DLG2: variants seen among roughly 807,000 people sequenced by gnomAD.
DLG2 encodes disks large homolog 2.
A neutral mutation model predicts 132.5 loss-of-function variants in DLG2; 45 were observed. The observed-to-expected ratio is 0.34, with a 90% confidence interval of 0.27 to 0.44. DLG2 has a LOEUF of 0.44. DLG2 is among the 20% of genes least tolerant of loss of function. The pLI is 1.00. For missense variants in DLG2, 1,045 were observed against 1,196.9 expected (o/e 0.87, Z 1.87); for synonymous variants, 424 against 419.6 (o/e 1.01, Z -0.13).
chr11:84,366,075 T>C (rs2098680524), intron 7 of DLG2, among the ~76,000 whole-genome samples: 2 of 152,020 alleles, frequency 1.3e-5, no homozygotes, highest in Admixed American at 1.3e-4. Context: ...AAGGTTGGGT[T>C]ATCCACAAGG....
chr11:85,175,787 G>T (rs538912692), intron 4 of DLG2, among the ~76,000 whole-genome samples: 1 of 152,070 alleles, frequency 6.6e-6, no homozygotes, highest in South Asian at 2.1e-4. Flanking sequence ...AAATCAATAC[G>T]CAAAAATCAC....
intron 11 of DLG2, among the ~76,000 whole-genome samples, chr11:84,045,136 T>A (rs1170228618): frequency 6.6e-6 from 1 of 151,828 alleles, no homozygotes. Flanking sequence ...TAAAAAACTT[T>A]CCCTAAGGAC....
At chr11:83,670,752 T>C (rs1251210498) in intron 18 of DLG2, among the ~76,000 whole-genome samples, 1 of 152,198 alleles carries the variant, frequency 6.6e-6, no homozygotes, top group East Asian at 1.9e-4. Context: ...GAAGGACAGA[T>C]ATATTCCCAA....
At chr11:85,018,737 G>A (rs2059777453) in intron 6 of DLG2, among the ~76,000 whole-genome samples, 1 of 151,576 alleles carries the variant, frequency 6.6e-6, no homozygotes, top group Non-Finnish European at 1.5e-5. Flanking sequence ...CAATTAATAA[G>A]GTAGATGTAA....
At position 84,678,675 on chromosome 11, in the gene DLG2, C is replaced by T. The variant is rs1026506636; in HGVS notation, c.358-143944G>A. Among the ~76,000 whole-genome samples, 9 of 152,142 alleles carry T rather than the reference C, an allele frequency of 5.9e-5. No individual in the cohort carries two copies. The South Asian group carries it at 1.4e-3, about 25-fold the overall frequency. ...AGTTTGTAGCTTCTATCAACATCAT[C>T]GCTCAACAGCTAGCCAGCTTCTCAT... On this transcript the variant is annotated intron_variant, in intron 6 of 27. Coordinates refer to ENST00000376104, the MANE Select transcript of DLG2 (RefSeq NM_001142699.3).
intron 4 of DLG2, among the ~76,000 whole-genome samples, chr11:85,159,421 T>C (rs1311717982): frequency 6.6e-6 from 1 of 152,226 alleles, no homozygotes; most frequent in East Asian, 1.9e-4. Flanking sequence ...TAGATCTCCC[T>C]CTACCTAGAA....
intron 7 of DLG2, among the ~76,000 whole-genome samples, chr11:84,423,058 A>G (rs573160961): frequency 6.6e-6 from 1 of 152,292 alleles, no homozygotes; most frequent in African/African-American, 2.4e-5. Flanking sequence ...ATTGTAAATT[A>G]GTCAGCACAT....
At chr11:84,123,035 G>T (rs1171078251) in intron 9 of DLG2, among the ~76,000 whole-genome samples, 3 of 152,168 alleles carry the variant, frequency 2.0e-5, no homozygotes, top group Non-Finnish European at 4.4e-5. Context: ...CCTAATATTT[G>T]CAGAGAGACA....
At chr11:83,905,149 T>C (rs969653381) in intron 15 of DLG2, among the ~76,000 whole-genome samples, 8 of 152,166 alleles carry the variant, frequency 5.3e-5, no homozygotes, top group Non-Finnish European at 1.2e-4. Context: ...GTGGCAAACA[T>C]TGTACTAAGC....
intron 18 of DLG2, among the ~76,000 whole-genome samples, chr11:83,732,067 A>G (rs907676359): frequency 2.6e-5 from 4 of 152,178 alleles, no homozygotes; most frequent in African/African-American, 9.7e-5. Context: ...AGCCATGGCT[A>G]TATTGTCAGA....
At chr11:83,581,002 C>G (rs1409380643) in intron 19 of DLG2, among the ~76,000 whole-genome samples, 1 of 147,456 alleles carries the variant, frequency 6.8e-6, no homozygotes, top group Non-Finnish European at 1.5e-5. Flanking sequence ...CAATCTTTCT[C>G]TTGTAGCAGA....
intron 7 of DLG2, among the ~76,000 whole-genome samples, chr11:84,364,582 T>A (rs1027112700): frequency 3.9e-5 from 6 of 152,202 alleles, no homozygotes; most frequent in African/African-American, 1.4e-4. Flanking sequence ...CATCCCTGTC[T>A]TGTGCCAGTT....
intron 22 of DLG2, among the ~76,000 whole-genome samples, chr11:83,475,350 C>T (rs746400202): frequency 6.6e-6 from 1 of 152,052 alleles, no homozygotes; most frequent in Admixed American, 6.6e-5. Flanking sequence ...GGCTTTCATA[C>T]CCACTGGCTT....
intron 7 of DLG2, among the ~76,000 whole-genome samples, chr11:84,262,667 C>T (rs191071065): frequency 8.5e-5 from 13 of 152,162 alleles, no homozygotes; most frequent in Admixed American, 2.0e-4. Flanking sequence ...AGTCTTCTAT[C>T]CCCTGACCCC....
chr11:84,443,780 A>G (rs913159722), intron 7 of DLG2, among the ~76,000 whole-genome samples: 3 of 151,850 alleles, frequency 2.0e-5, no homozygotes, highest in Non-Finnish European at 4.4e-5. Context: ...TATACTGAAC[A>G]CTAATCTTTT....
chr11:84,965,285 G>C (rs1403366909), intron 6 of DLG2, among the ~76,000 whole-genome samples: 1 of 152,046 alleles, frequency 6.6e-6, no homozygotes, highest in Non-Finnish European at 1.5e-5. Context: ...TTTTGTGTGT[G>C]TGTGTGTGTG....
chr11:84,367,826 A>G (rs1328272664), intron 7 of DLG2, among the ~76,000 whole-genome samples: 4 of 152,084 alleles, frequency 2.6e-5, no homozygotes, highest in Non-Finnish European at 5.9e-5. Context: ...TATTTTCTTT[A>G]TCAATTATCC....
At chr11:85,438,216 G>A (rs755031655) in intron 3 of DLG2, among the ~76,000 whole-genome samples, 1 of 152,068 alleles carries the variant, frequency 6.6e-6, no homozygotes, top group Non-Finnish European at 1.5e-5. Flanking sequence ...GCATCAAACT[G>A]GTCATAAGAC....
chr11:85,489,519 A>G (rs2093509306), intron 3 of DLG2, among the ~76,000 whole-genome samples: 1 of 152,158 alleles, frequency 6.6e-6, no homozygotes, highest in South Asian at 2.1e-4. Context: ...GAAAATCAAC[A>G]AAAAAACATG....
Sources: gnomAD v4.1 joint callset for allele counts (sites outside exome capture counted in the v4.1 genomes callset) on GRCh38, gnomAD v4.1.1 for gene constraint, MANE v1.5 for transcripts, NCBI Gene and HGNC (gene_info 2026-07-23, HGNC 2026-07-21) for gene names.